Variants in SCAI observed in about 807,000 individuals in gnomAD.
The protein encoded by SCAI is suppressor of cancer cell invasion.
In SCAI, 24 loss-of-function variants were observed where a neutral mutation model predicts 92.2. That is an observed-to-expected ratio of 0.26 (90% CI 0.19 to 0.37). SCAI has a LOEUF of 0.37. Among genes scored for constraint, SCAI ranks in the 10% least tolerant of loss-of-function variants. The pLI is 1.00. For synonymous variants in SCAI, 261 were observed against 258.6 expected, an observed-to-expected ratio of 1.01 and a Z score of -0.09; for missense variants, 450 against 736.2, an observed-to-expected ratio of 0.61 and a Z score of 4.50.
intron 2 of SCAI, among the ~76,000 whole-genome samples, chr9:125,139,959 G>A (rs901373959): frequency 5.3e-5 from 8 of 152,194 alleles, no homozygotes; most frequent in African/African-American, 1.7e-4. Flanking sequence ...GGGTATGGTG[G>A]CTCACGCCTG....
At chr9:125,010,922 G>C (rs1332012393) in intron 9 of SCAI, among the ~76,000 whole-genome samples, 2 of 152,082 alleles carry the variant, frequency 1.3e-5, no homozygotes, top group Non-Finnish European at 2.9e-5. Context: ...CAGGCAAACA[G>C]GGTCTGGAGT....
At chr9:125,011,937 G>C (rs951878588) in intron 9 of SCAI, among the ~76,000 whole-genome samples, 31 of 152,184 alleles carry the variant, frequency 2.0e-4, no homozygotes, top group African/African-American at 5.1e-4. Context: ...AACTAAGCTT[G>C]ATAAGTGAAG....
At position 125,126,898 on chromosome 9, in the gene SCAI, T is replaced by G. The variant is rs532987606; in HGVS notation, c.98+15735A>C. 5.9e-5 allele frequency among the ~76,000 whole-genome samples: 9 copies of G among 152,352 alleles called. No homozygotes were observed. The East Asian group carries it at 1.7e-3, about 29-fold the overall frequency. ...TGGTACTTCCCAATCCCCAAGATGA[T>G]AGTCCTATTTGCTTCTTTGCCTCAA... is the stretch of plus-strand genomic sequence containing the variant. On this transcript the variant is annotated intron_variant, in intron 2 of 17. Coordinates refer to ENST00000336505, the MANE Select transcript of SCAI (RefSeq NM_001144877.3).
At chr9:125,094,410 T>C (rs1229640601) in intron 2 of SCAI, among the ~76,000 whole-genome samples, 1 of 152,244 alleles carries the variant, frequency 6.6e-6, no homozygotes, top group Admixed American at 6.5e-5. Context: ...TCCCAAAATA[T>C]CTGCAGAGCT....
intron 2 of SCAI, among the ~76,000 whole-genome samples, chr9:125,120,117 G>C (rs983482592): frequency 6.6e-6 from 1 of 152,230 alleles, no homozygotes; most frequent in Non-Finnish European, 1.5e-5. Context: ...GATGGGAGGA[G>C]TGTGAAGATG....
At chr9:125,040,956 A>G (rs1046796836) in intron 3 of SCAI, among the ~76,000 whole-genome samples, 3 of 152,086 alleles carry the variant, frequency 2.0e-5, no homozygotes, top group Non-Finnish European at 2.9e-5. Flanking sequence ...AAATGCTGTA[A>G]TAAATATCTT....
chr9:125,000,485 C>T (rs560891455), intron 12 of SCAI, among the ~76,000 whole-genome samples: 1 of 146,008 alleles, frequency 6.8e-6, no homozygotes, highest in African/African-American at 2.5e-5. Flanking sequence ...CCTGTCTCTA[C>T]AAAAAAATTT....
intron 3 of SCAI, among the ~76,000 whole-genome samples, chr9:125,039,272 A>G (rs962868779): frequency 1.3e-5 from 2 of 151,972 alleles, no homozygotes; most frequent in Non-Finnish European, 2.9e-5. Context: ...CTGCAGTCCC[A>G]GCCACTCGGG....
In SCAI at chr9:124,957,730, G is replaced by A. The variant is rs367886290; in HGVS notation, c.1675-4777C>T. Among the ~76,000 whole-genome samples, 207 of 149,820 alleles carry A rather than the reference G, an allele frequency of 1.4e-3. 3 individuals carry two copies. Among genetic ancestry groups the A allele is most frequent in the African/African-American group, 4.7e-3 (191 of 40,640 alleles). ...GGAGTCTCACTCTGTTGCCCAGGCC[G>A]GAGTGCAATGGCACGACCTCGGCTC... On this transcript the variant is annotated intron_variant, in intron 17 of 17. Coordinates refer to ENST00000336505, the MANE Select transcript of SCAI (RefSeq NM_001144877.3).
chr9:125,022,104 T>A (rs1832880747), intron 6 of SCAI, among the ~76,000 whole-genome samples: 1 of 152,176 alleles, frequency 6.6e-6, no homozygotes, highest in Admixed American at 6.5e-5. Context: ...TCTTATAATT[T>A]CTTGTCTTGA....
chr9:124,989,518 T>G lies in SCAI; in HGVS notation c.1326+5416A>C, dbSNP rs574259966. 5.3e-5 allele frequency among the ~76,000 whole-genome samples: 8 copies of G among 151,694 alleles called. No homozygotes were observed. The East Asian group carries it at 1.6e-3, about 30-fold the overall frequency. ...ATCACTTGAACCTGGGAGGCGGAGG[T>G]TGCAGTGAGCCGATATCACATCACT... On this transcript the variant is annotated intron_variant, in intron 14 of 17. Transcript: ENST00000336505.
At chr9:125,009,810 T>C (rs1832592933) in intron 9 of SCAI, among the ~76,000 whole-genome samples, 1 of 151,894 alleles carries the variant, frequency 6.6e-6, no homozygotes, top group Admixed American at 6.6e-5. Context: ...GGAAAATCAC[T>C]AGAACCCAGG....
chr9:124,971,536 G>C, intron 16 of SCAI, 66 bp from the exon 17 acceptor site: 1 of 1,426,376 alleles, frequency 7.0e-7, no homozygotes, highest in Non-Finnish European at 9.7e-7. Context: ...AAAGGGGAAG[G>C]AAACTTCAGG....
At position 124,943,590 on chromosome 9, in the gene SCAI, TAAA is replaced by T; in HGVS notation, c.*9214_*9216del. 6.6e-6 allele frequency: 1 copy of T among 152,338 alleles called. No homozygotes were observed. The highest frequency in any genetic ancestry group is 2.4e-5 in the African/African-American group (1 of 41,586). The allele number at this position is 152,338 out of a possible 1,614,324, so 9.4% of individuals were successfully genotyped here. ...TTCAGTTACAGACAAGCACAATTGT[TAAA>T]AAGTATTTCACACCACTAGAAAATC... On this transcript the variant is annotated 3_prime_UTR_variant, in exon 18 of 18. Coordinates refer to ENST00000336505, the MANE Select transcript of SCAI (RefSeq NM_001144877.3).
At chr9:124,993,575 C>T (rs761009855) in intron 14 of SCAI, among the ~76,000 whole-genome samples, 7 of 151,960 alleles carry the variant, frequency 4.6e-5, no homozygotes, top group South Asian at 4.1e-4. Context: ...GGGAAACGAG[C>T]GAAACTCTGT....
chr9:124,968,744 G>C, intron 17 of SCAI: 1 of 1,251,906 alleles, frequency 8.0e-7, no homozygotes, highest in Non-Finnish European at 1.2e-6. Context: ...TCTGGTTGAG[G>C]CCATGGAGGT....
intron 2 of SCAI, among the ~76,000 whole-genome samples, chr9:125,135,524 G>A (rs1463483626): frequency 2.6e-5 from 4 of 151,992 alleles, no homozygotes; most frequent in South Asian, 2.1e-4. Flanking sequence ...ATGGTGGTGC[G>A]CCCCTGTAAT....
chr9:125,051,714 G>A (rs1833563463), intron 3 of SCAI, among the ~76,000 whole-genome samples: 1 of 152,120 alleles, frequency 6.6e-6, no homozygotes, highest in African/African-American at 2.4e-5. Flanking sequence ...AAAACAATTG[G>A]AAATGTTTTT....
intron 2 of SCAI, among the ~76,000 whole-genome samples, chr9:125,074,026 G>A (rs1029486781): frequency 5.3e-5 from 8 of 151,418 alleles, no homozygotes; most frequent in South Asian, 4.2e-4. Context: ...TTGGGAGGCC[G>A]AGGTGGGCAG....
Sources: allele counts gnomAD v4.1 joint callset (sites outside exome capture counted in the v4.1 genomes callset), GRCh38; gene constraint gnomAD v4.1.1; transcripts MANE v1.5; gene names NCBI Gene and HGNC (gene_info 2026-07-23, HGNC 2026-07-21).